CSMD3: variants seen among roughly 807,000 people sequenced by gnomAD.
CSMD3 encodes CUB and sushi domain-containing protein 3.
A neutral mutation model predicts 435.2 loss-of-function variants in CSMD3; 177 were observed. The observed-to-expected ratio is 0.41, with a 90% CI of 0.36 to 0.46. The LOEUF is 0.46. Among genes scored for constraint, CSMD3 ranks in the 20% least tolerant of loss-of-function variants. CSMD3 has a pLI of 0.34. For missense variants in CSMD3, 4,265 were observed against 4,504.6 expected, an observed-to-expected ratio of 0.95 and a Z score of 1.52; for synonymous variants, 1,656 against 1,520.5, an observed-to-expected ratio of 1.09 and a Z score of -2.07.
chr8:112,418,207 C>G (rs1050237159), intron 32 of CSMD3, among the ~76,000 whole-genome samples: 2 of 152,072 alleles, frequency 1.3e-5, no homozygotes, highest in Admixed American at 1.3e-4. Flanking sequence ...GTAACACAAG[C>G]TCTTATAATG....
At chr8:113,201,980 T>G (rs1386423156) in intron 3 of CSMD3, among the ~76,000 whole-genome samples, 1 of 152,120 alleles carries the variant, frequency 6.6e-6, no homozygotes, top group Non-Finnish European at 1.5e-5. Context: ...ACAGCTAGTA[T>G]GCCACATGTT....
chr8:112,289,934 A>G (rs954828544), intron 56 of CSMD3, among the ~76,000 whole-genome samples: 84 of 152,152 alleles, frequency 5.5e-4, no homozygotes, highest in African/African-American at 2.0e-3. Context: ...TTTGCTAAGT[A>G]AGGACATAGG....
chr8:113,229,720 T>G (rs910105217), intron 3 of CSMD3, among the ~76,000 whole-genome samples: 1 of 151,584 alleles, frequency 6.6e-6, no homozygotes, highest in Admixed American at 6.6e-5. Flanking sequence ...TTTGTAAACT[T>G]GAAGTATATT....
intron 13 of CSMD3, among the ~76,000 whole-genome samples, chr8:112,750,905 A>C (rs935318917): frequency 2.0e-5 from 3 of 152,032 alleles, no homozygotes; most frequent in Non-Finnish European, 4.4e-5. Flanking sequence ...TTGAAAATAC[A>C]GTATTGGAGG....
At chr8:113,222,306 A>C (rs1225482336) in intron 3 of CSMD3, among the ~76,000 whole-genome samples, 1 of 151,088 alleles carries the variant, frequency 6.6e-6, no homozygotes, top group Non-Finnish European at 1.5e-5. Flanking sequence ...AACAGGGAAG[A>C]TCTCTCTTCT....
chr8:112,757,700 C>T (rs1178821623), intron 13 of CSMD3, among the ~76,000 whole-genome samples: 3 of 152,124 alleles, frequency 2.0e-5, no homozygotes, highest in Non-Finnish European at 2.9e-5. Flanking sequence ...ACATACCAGA[C>T]GAGACCAGAA....
chr8:112,670,716 C>T (rs1347577949), intron 16 of CSMD3, among the ~76,000 whole-genome samples: 3 of 151,948 alleles, frequency 2.0e-5, no homozygotes, highest in Non-Finnish European at 2.9e-5. Context: ...ATGGGAAACA[C>T]GGAACAGGGA....
chr8:112,589,835 G>A (rs1387071335), intron 22 of CSMD3, among the ~76,000 whole-genome samples: 1 of 152,088 alleles, frequency 6.6e-6, no homozygotes, highest in Non-Finnish European at 1.5e-5. Flanking sequence ...ACCGGTAAAG[G>A]CGAGTTGAAA....
At chr8:112,970,646 C>G (rs2084615995) in intron 7 of CSMD3, among the ~76,000 whole-genome samples, 1 of 151,726 alleles carries the variant, frequency 6.6e-6, no homozygotes, top group Admixed American at 6.6e-5. Context: ...TAAATACCCA[C>G]TCAAACCATT....
chr8:113,019,031 C>T, intron 6 of CSMD3, 36 bp downstream of exon 6: 1 of 1,282,632 alleles, frequency 7.8e-7, no homozygotes, highest in Non-Finnish European at 1.1e-6. Context: ...AATTATTTTA[C>T]ATATCAAAAG....
At chr8:113,155,763 C>T (rs775849042) in intron 4 of CSMD3, among the ~76,000 whole-genome samples, 1 of 151,958 alleles carries the variant, frequency 6.6e-6, no homozygotes, top group Non-Finnish European at 1.5e-5. Flanking sequence ...AAAATAAGTT[C>T]GTTCCTAATA....
chr8:113,274,453 T>C (rs776317915), intron 3 of CSMD3, among the ~76,000 whole-genome samples: 16 of 152,064 alleles, frequency 1.1e-4, no homozygotes, highest in East Asian at 3.9e-4. Context: ...CGATGAAGTA[T>C]AGAAATCAAG....
chr8:113,372,182 C>T (rs796066418), intron 1 of CSMD3, among the ~76,000 whole-genome samples: 4 of 152,152 alleles, frequency 2.6e-5, no homozygotes, highest in African/African-American at 9.6e-5. Flanking sequence ...GCTAGTTCCC[C>T]AAGGTATTTT....
chr8:113,346,980 A>G (rs571170808), intron 1 of CSMD3, among the ~76,000 whole-genome samples: 1 of 152,206 alleles, frequency 6.6e-6, no homozygotes, highest in South Asian at 2.1e-4. Context: ...AAATTCATCC[A>G]GAGTAATATA....
At chr8:112,784,798 G>C (rs919773030) in intron 13 of CSMD3, among the ~76,000 whole-genome samples, 3 of 151,874 alleles carry the variant, frequency 2.0e-5, no homozygotes, top group African/African-American at 7.2e-5. Flanking sequence ...AGAAAAACTT[G>C]GGACCCAATG....
chr8:113,000,003 T>G (rs1425584253), intron 6 of CSMD3, among the ~76,000 whole-genome samples: 1 of 151,946 alleles, frequency 6.6e-6, no homozygotes, highest in Non-Finnish European at 1.5e-5. Flanking sequence ...GAGCTGGAGA[T>G]ATGATGTTGG....
At chr8:112,423,052 T>C (rs1485032482) in intron 32 of CSMD3, among the ~76,000 whole-genome samples, 1 of 152,168 alleles carries the variant, frequency 6.6e-6, no homozygotes, top group Admixed American at 6.5e-5. Flanking sequence ...AGAATGTGTA[T>C]TGCTGAAGGA....
intron 1 of CSMD3, among the ~76,000 whole-genome samples, chr8:113,397,461 T>C (rs2094488911): frequency 6.6e-6 from 1 of 152,152 alleles, no homozygotes; most frequent in Non-Finnish European, 1.5e-5. Flanking sequence ...AATATGGCTT[T>C]TAAAATTTAA....
Position 112,447,308 on chromosome 8 carries a change from A to C in CSMD3, c.5395+25283T>G, listed in dbSNP as rs370290725. 8.5e-5 allele frequency among the ~76,000 whole-genome samples: 13 copies of C among 152,300 alleles called. No homozygotes were observed. The East Asian group carries it at 2.5e-3, about 29-fold the overall frequency. On this transcript the variant is annotated intron_variant, in intron 32 of 70. Transcript: ENST00000297405. ...GAAAAATAAAGAACAGAATAAATAA[A>C]ATGAAACTCATGTAGCCATTACCCA...
Sources: gnomAD v4.1 joint callset for allele counts (sites outside exome capture counted in the v4.1 genomes callset) on GRCh38, gnomAD v4.1.1 for gene constraint, MANE v1.5 for transcripts, NCBI Gene and HGNC (gene_info 2026-07-23, HGNC 2026-07-21) for gene names.